CNTN4: variants seen among roughly 807,000 people sequenced by gnomAD.
The protein encoded by CNTN4 is contactin 4.
In CNTN4, 77 loss-of-function variants were observed where a neutral mutation model predicts 122.5. That is an observed-to-expected ratio of 0.63 (90% CI 0.52 to 0.76). The LOEUF (loss-of-function observed/expected upper bound fraction) is 0.76. CNTN4 is among the 30% of genes least tolerant of loss of function. The pLI is 0.00. For missense variants in CNTN4, 1,256 were observed against 1,259.1 expected (o/e 1.00, Z 0.04); for synonymous variants, 512 against 447.0 (o/e 1.15, Z -1.83).
At chr3:2,794,018 G>T (rs776487789) in intron 6 of CNTN4, among the ~76,000 whole-genome samples, 4 of 152,094 alleles carry the variant, frequency 2.6e-5, no homozygotes, top group African/African-American at 4.8e-5. Flanking sequence ...ATTTTTCTTG[G>T]TGGTGACATT....
intron 3 of CNTN4, among the ~76,000 whole-genome samples, chr3:2,472,360 C>T (rs550421254): frequency 6.6e-6 from 1 of 152,200 alleles, no homozygotes; most frequent in African/African-American, 2.4e-5. Flanking sequence ...CCTCCTTCAG[C>T]TTCCCGAGTA....
intron 2 of CNTN4, among the ~76,000 whole-genome samples, chr3:2,149,807 T>C (rs978956267): frequency 6.6e-5 from 10 of 152,082 alleles, no homozygotes; most frequent in Non-Finnish European, 2.9e-5. Context: ...CAACTACAGG[T>C]TGTGTAGTTG....
chr3:2,611,291 T>A (rs2081472425), intron 4 of CNTN4, among the ~76,000 whole-genome samples: 1 of 31,648 alleles, frequency 3.2e-5, no homozygotes, highest in South Asian at 8.6e-4. Context: ...TCACAGCACC[T>A]GGAACCAAAA....
At chr3:2,971,154 A>G (rs1398481419) in intron 13 of CNTN4, among the ~76,000 whole-genome samples, 1 of 152,174 alleles carries the variant, frequency 6.6e-6, no homozygotes, top group Non-Finnish European at 1.5e-5. Flanking sequence ...AGAAGAATAT[A>G]TTGACTGTTT....
chr3:2,486,496 TCAC>T (rs1237658813), intron 3 of CNTN4, among the ~76,000 whole-genome samples: 106 of 152,342 alleles, frequency 7.0e-4, no homozygotes, highest in African/African-American at 2.5e-3. Context: ...AAACAGTTGT[TCAC>T]TAAAGACCAG....
At chr3:2,592,104 A>T (rs2080523276) in intron 4 of CNTN4, among the ~76,000 whole-genome samples, 1 of 151,928 alleles carries the variant, frequency 6.6e-6, no homozygotes, top group East Asian at 1.9e-4. Flanking sequence ...GCATCTCAAA[A>T]TCCTGGCCTC....
chr3:2,295,044 A>C (rs2042259842), intron 2 of CNTN4, among the ~76,000 whole-genome samples: 2 of 151,774 alleles, frequency 1.3e-5, no homozygotes, highest in African/African-American at 4.8e-5. Flanking sequence ...TCCATGGTGT[A>C]TATGTGCCAC....
intron 3 of CNTN4, among the ~76,000 whole-genome samples, chr3:2,502,059 T>G (rs2149007207): frequency 6.6e-6 from 1 of 152,302 alleles, no homozygotes; most frequent in African/African-American, 2.4e-5. Flanking sequence ...GATATCCCAT[T>G]ATGTATATGC....
At chr3:2,863,190 A>C (rs1287752625) in intron 7 of CNTN4, among the ~76,000 whole-genome samples, 2 of 152,190 alleles carry the variant, frequency 1.3e-5, no homozygotes, top group Non-Finnish European at 2.9e-5. Context: ...ATAAACAAAT[A>C]AAAATACAAT....
At chr3:2,372,768 A>T (rs1221834240) in intron 3 of CNTN4, among the ~76,000 whole-genome samples, 1 of 152,076 alleles carries the variant, frequency 6.6e-6, no homozygotes, top group Non-Finnish European at 1.5e-5. Flanking sequence ...TGTTTGACTT[A>T]GGCCAGGTGT....
intron 6 of CNTN4, among the ~76,000 whole-genome samples, chr3:2,790,002 A>C (rs1328074642): frequency 6.6e-6 from 1 of 152,244 alleles, no homozygotes; most frequent in East Asian, 1.9e-4. Context: ...TGATGATTCT[A>C]ATAATAGCAG....
At position 2,709,121 on chromosome 3, in the gene CNTN4, C is replaced by T. The variant is rs182329127; in HGVS notation, c.56-27094C>T. Among the ~76,000 whole-genome samples, 10 of 152,130 alleles carry T rather than the reference C, an allele frequency of 6.6e-5. No homozygotes were observed. Among genetic ancestry groups the T allele is most frequent in the East Asian group, 3.9e-4 (2 of 5,170 alleles). ...CGGTGGCTGAGTTTTTAAGCTAGAT[C>T]GTTACAAATGAAGCCTTACCATTTG... On this transcript the variant is annotated intron_variant, in intron 4 of 24. Coordinates refer to ENST00000418658, the MANE Select transcript of CNTN4 (RefSeq NM_175607.3). The surrounding 1 kb of genome is among the most constrained non-coding windows in gnomAD (Gnocchi z 5.0).
At chr3:2,328,597 A>G (rs1220735869) in intron 2 of CNTN4, among the ~76,000 whole-genome samples, 1 of 152,116 alleles carries the variant, frequency 6.6e-6, no homozygotes, top group African/African-American at 2.4e-5. Flanking sequence ...ACACGTATAC[A>G]GTTGGCCCTC....
rs932709468 is a variant in CNTN4 at position 2,847,648 on chromosome 3, A to C, written c.455-19104A>C. ...ACTGCCTGCTGTGTGTGTCCTGTGC[A>C]AACTCACAGTGTGCTGACACATGAC... On this transcript the variant is annotated intron_variant, in intron 7 of 24. Coordinates refer to ENST00000418658, the MANE Select transcript of CNTN4 (RefSeq NM_175607.3). Among the ~76,000 whole-genome samples the C allele has an allele frequency of 5.3e-5, 8 of 152,322 alleles. 2 individuals are homozygous for C. The highest frequency in any genetic ancestry group is 1.9e-4 in the East Asian group (1 of 5,176).
intron 3 of CNTN4, among the ~76,000 whole-genome samples, chr3:2,531,903 T>A (rs1327660758): frequency 6.6e-6 from 1 of 152,200 alleles, no homozygotes; most frequent in East Asian, 1.9e-4. Flanking sequence ...CAGTGTTCGC[T>A]CTAATACTTG....
intron 3 of CNTN4, among the ~76,000 whole-genome samples, chr3:2,467,492 A>G (rs1479488912): frequency 6.6e-6 from 1 of 152,174 alleles, no homozygotes; most frequent in Non-Finnish European, 1.5e-5. Context: ...TAGAATAGAC[A>G]TGAGCCTGTA....
chr3:2,106,608 G>T (rs1425149661), intron 2 of CNTN4, among the ~76,000 whole-genome samples: 1 of 152,192 alleles, frequency 6.6e-6, no homozygotes, highest in Non-Finnish European at 1.5e-5. Context: ...GTACACAGCA[G>T]GGAGCCCAGT....
intron 2 of CNTN4, among the ~76,000 whole-genome samples, chr3:2,189,650 A>G (rs2037434173): frequency 6.6e-6 from 1 of 152,208 alleles, no homozygotes; most frequent in African/African-American, 2.4e-5. Context: ...CTGGAGCCCC[A>G]TTCTGACTTT....
At chr3:2,099,936 C>T (rs1263253835) in intron 1 of CNTN4, among the ~76,000 whole-genome samples, 3 of 152,200 alleles carry the variant, frequency 2.0e-5, no homozygotes, top group Admixed American at 6.5e-5. Flanking sequence ...AGGACGTGGG[C>T]TCCTGAATCC....
Sources: allele counts gnomAD v4.1 joint callset (sites outside exome capture counted in the v4.1 genomes callset), GRCh38; gene constraint gnomAD v4.1.1; non-coding constraint Gnocchi (gnomAD v3.1); transcripts MANE v1.5; gene names NCBI Gene and HGNC (gene_info 2026-07-23, HGNC 2026-07-21).